Variants in PTPN3 observed in about 807,000 individuals in gnomAD.
PTPN3 encodes the protein tyrosine-protein phosphatase non-receptor type 3.
PTPN3 carries 96 observed loss-of-function variants against 132.7 expected under a neutral mutation model. The ratio of observed to expected loss-of-function variants is 0.72; its 90% confidence interval spans 0.61 to 0.86. The LOEUF (loss-of-function observed/expected upper bound fraction) is 0.86, where lower values mean the gene tolerates loss of function less well. PTPN3 is among the 40% of genes least tolerant of loss of function. PTPN3 has a pLI of 0.00. For missense variants in PTPN3, 1,125 were observed against 1,159.6 expected, an observed-to-expected ratio of 0.97 and a Z score of 0.43; for synonymous variants, 398 against 429.0, an observed-to-expected ratio of 0.93 and a Z score of 0.89.
In PTPN3 at chr9:109,391,873, G is replaced by C. The variant is rs1233418038; in HGVS notation, c.1954-312C>G. Among the ~76,000 whole-genome samples the C allele has an allele frequency of 1.3e-4, 13 of 103,352 alleles. 1 individual carries two copies. Among genetic ancestry groups the C allele is most frequent in the African/African-American group, 3.7e-4 (10 of 27,300 alleles). The allele number at this position is 103,352 out of a possible 152,430, so 67.8% of individuals were successfully genotyped here. A position where few individuals can be genotyped will look rare whatever the true frequency, so the allele number is the denominator to read the frequency against. The stretch of plus-strand genomic sequence containing the variant: ...AAGAGCTAAAAGCAACTAGATGTGG[G>C]GGGGGGGGGGAAGAATTCTGGCTCA... On this transcript the variant is annotated intron_variant, in intron 19 of 25. Transcript: ENST00000374541.
At chr9:109,410,500 C>T (rs1261998343) in intron 14 of PTPN3, 85 bp from the exon 15 acceptor site, 2 of 1,430,378 alleles carry the variant, frequency 1.4e-6, no homozygotes, top group Non-Finnish European at 1.9e-6. Context: ...GGCCTGGCAG[C>T]TGGGGGCTGT....
chr9:109,520,241 G>T, the PTPN3 span, among the ~76,000 whole-genome samples: 1 of 151,874 alleles, frequency 6.6e-6, no homozygotes, highest in Non-Finnish European at 1.5e-5. Flanking sequence ...CCCATGCTCT[G>T]CGCCATTGCA....
intron 6 of PTPN3, 126 bp from the exon 7 acceptor site, chr9:109,445,418 G>GTA: frequency 1.2e-6 from 1 of 869,482 alleles, no homozygotes; most frequent in Non-Finnish European, 1.9e-6. Context: ...AACATGAATT[G>GTA]TAACAAAAGC....
rs768744817 is a variant in PTPN3 at position 109,422,698 on chromosome 9, A to AT, written c.1136+19_1136+20insA. ...TGTCTACTGTTGGGTAGTACAAAAA[A>AT]AAAAAAAAGGAGGACATACCAGTTG... On this transcript the variant is annotated intron_variant, in intron 13 of 25. Transcript: ENST00000374541. 2.5e-6 allele frequency: 4 copies of AT among 1,578,358 alleles called. No individual in the cohort carries two copies. The highest frequency in any genetic ancestry group is 1.7e-6 in the Non-Finnish European group (2 of 1,164,378).
the PTPN3 span, among the ~76,000 whole-genome samples, chr9:109,536,822 G>T: frequency 6.6e-6 from 1 of 152,150 alleles, no homozygotes; most frequent in Non-Finnish European, 1.5e-5. Flanking sequence ...TGAACTTATT[G>T]TAAGTCTCTG....
the PTPN3 span, among the ~76,000 whole-genome samples, chr9:109,513,077 C>T: frequency 1.1e-4 from 16 of 152,228 alleles, no homozygotes; most frequent in Non-Finnish European, 1.6e-4. Flanking sequence ...GGCACAAACA[C>T]GGCTCACTGC....
chr9:109,489,689 C>T (rs938199257), intron 1 of PTPN3, among the ~76,000 whole-genome samples: 9 of 152,050 alleles, frequency 5.9e-5, no homozygotes, highest in African/African-American at 2.2e-4. Flanking sequence ...CAGGGACGCC[C>T]AGCCTGATGA....
the PTPN3 span, chr9:109,534,265 G>C: frequency 6.5e-7 from 1 of 1,541,440 alleles, no homozygotes. Flanking sequence ...GGTGTCACCG[G>C]CGCTGAGGGC....
At position 109,453,929 on chromosome 9, in the gene PTPN3, C is replaced by T. The variant is rs189603258; in HGVS notation, c.368+567G>A. Among the ~76,000 whole-genome samples, 544 of 151,808 alleles carry T rather than the reference C, an allele frequency of 3.6e-3. 6 individuals carry two copies. The highest frequency in any genetic ancestry group is 6.1e-3 in the Non-Finnish European group (414 of 67,914). ...ACTCGGGAGGCTGAGGTGGGAGGAT[C>T]GCTTGAACCTGGGAGGCGGAGGTTG... On this transcript the variant is annotated intron_variant, in intron 5 of 25. Coordinates refer to ENST00000374541, the MANE Select transcript of PTPN3 (RefSeq NM_002829.4).
At chr9:109,519,531 A>G in the PTPN3 span, among the ~76,000 whole-genome samples, 1 of 152,218 alleles carries the variant, frequency 6.6e-6, no homozygotes, top group Non-Finnish European at 1.5e-5. Context: ...TTGAAGAATG[A>G]GGAAACTGTG....
intron 18 of PTPN3, 133 bp from the exon 19 acceptor site, chr9:109,404,741 G>A: frequency 9.6e-7 from 1 of 1,037,096 alleles, no homozygotes. Context: ...TAAGCTACAT[G>A]GTAATCATTT....
At chr9:109,413,195 C>T (rs1302665738) in intron 14 of PTPN3, among the ~76,000 whole-genome samples, 2 of 151,654 alleles carry the variant, frequency 1.3e-5, no homozygotes, top group Admixed American at 6.6e-5. Flanking sequence ...ACCTTGTGAT[C>T]TGCCCGCCTC....
intron 14 of PTPN3, among the ~76,000 whole-genome samples, chr9:109,417,285 G>A (rs1383919685): frequency 6.6e-6 from 1 of 152,192 alleles, no homozygotes; most frequent in East Asian, 1.9e-4. Context: ...CCTGAGCTGC[G>A]CCACTCTGGG....
chr9:109,388,814 C>G (rs908566538), intron 22 of PTPN3, among the ~76,000 whole-genome samples: 8 of 152,194 alleles, frequency 5.3e-5, no homozygotes, highest in Admixed American at 2.0e-4. Flanking sequence ...GAAGGGCAGA[C>G]AGACAAGACA....
the PTPN3 span, among the ~76,000 whole-genome samples, chr9:109,536,186 T>A: frequency 2.0e-5 from 3 of 152,380 alleles, no homozygotes; most frequent in South Asian, 4.1e-4. Context: ...ATGGTCACAT[T>A]TATCAGAACT....
chr9:109,395,283 A>G (rs1840479950), intron 19 of PTPN3, among the ~76,000 whole-genome samples: 1 of 152,104 alleles, frequency 6.6e-6, no homozygotes. Context: ...AAAGTGAGAA[A>G]AAGAAATACA....
intron 7 of PTPN3, among the ~76,000 whole-genome samples, chr9:109,438,909 T>C (rs1000127083): frequency 4.6e-5 from 7 of 152,116 alleles, no homozygotes; most frequent in African/African-American, 7.2e-5. Context: ...TCAGAAGATA[T>C]GAAGAGAGAT....
At chr9:109,379,826 C>A (rs551047487) in intron 25 of PTPN3, among the ~76,000 whole-genome samples, 193 bp from the exon 26 acceptor site, 1 of 152,208 alleles carries the variant, frequency 6.6e-6, no homozygotes, top group African/African-American at 2.4e-5. Flanking sequence ...GAGGGGTGGG[C>A]AAAGTGTCAT....
intron 19 of PTPN3, among the ~76,000 whole-genome samples, chr9:109,391,877 G>GA (rs998934679): frequency 2.0e-5 from 2 of 101,066 alleles, no homozygotes; most frequent in Non-Finnish European, 4.0e-5. Context: ...ATGTGGGGGG[G>GA]GGGGGGAAGA....
Sources: allele counts gnomAD v4.1 joint callset (sites outside exome capture counted in the v4.1 genomes callset), GRCh38; gene constraint gnomAD v4.1.1; transcripts MANE v1.5; gene names NCBI Gene and HGNC (gene_info 2026-07-23, HGNC 2026-07-21).